ARHGAP44: variants seen among roughly 807,000 people sequenced by gnomAD.
ARHGAP44 encodes Rho GTPase activating protein 44.
A neutral mutation model predicts 106.8 loss-of-function variants in ARHGAP44; 43 were observed. The ratio of observed to expected loss-of-function variants is 0.40; its 90% CI spans 0.32 to 0.52. The LOEUF (loss-of-function observed/expected upper bound fraction) is 0.52. ARHGAP44 is among the 20% of genes least tolerant of loss of function. ARHGAP44 has a pLI of 0.48. For synonymous variants in ARHGAP44, 439 were observed against 410.3 expected, an observed-to-expected ratio of 1.07 and a Z score of -0.85; for missense variants, 866 against 1,050.5, an observed-to-expected ratio of 0.82 and a Z score of 2.43.
intron 1 of ARHGAP44, among the ~76,000 whole-genome samples, chr17:12,881,551 T>A (rs1301373543): frequency 6.6e-6 from 1 of 152,314 alleles, no homozygotes; most frequent in East Asian, 1.9e-4. Context: ...AACATTGATA[T>A]AATACTTTCT....
At chr17:12,821,414 C>G (rs2034767283) in intron 1 of ARHGAP44, among the ~76,000 whole-genome samples, 1 of 152,118 alleles carries the variant, frequency 6.6e-6, no homozygotes, top group African/African-American at 2.4e-5. Context: ...TGCCTTGGGC[C>G]TTGGAATTTG....
At chr17:12,981,383 C>T (rs1246214007) in intron 19 of ARHGAP44, among the ~76,000 whole-genome samples, 3 of 149,462 alleles carry the variant, frequency 2.0e-5, no homozygotes, top group Non-Finnish European at 4.4e-5. Context: ...GTCTAGATGC[C>T]ATATTCTTGG....
At chr17:12,915,776 T>C in intron 4 of ARHGAP44, 124 bp from the exon 5 acceptor site, 1 of 753,366 alleles carries the variant, frequency 1.3e-6, no homozygotes, top group South Asian at 1.8e-5. Context: ...GCCATGGAGA[T>C]CAGCCAGCTT....
intron 1 of ARHGAP44, among the ~76,000 whole-genome samples, chr17:12,803,550 T>G (rs2034184590): frequency 1.3e-5 from 2 of 152,208 alleles, no homozygotes; most frequent in South Asian, 4.1e-4. Context: ...CAGGCTGGAG[T>G]GCAGTGGCGT....
At chr17:12,969,324 C>T (rs1981622) in intron 16 of ARHGAP44, among the ~76,000 whole-genome samples, 12,383 of 152,134 alleles carry the variant, frequency 0.081, 609 homozygotes, top group Admixed American at 0.13. Flanking sequence ...AAGTCATATG[C>T]GCTTGGCACC....
At position 12,949,302 on chromosome 17, in the gene ARHGAP44, G is replaced by A. The variant is rs2038938105; in HGVS notation, c.973+51G>A. The A allele has an allele frequency of 6.6e-7, 1 of 1,517,098 alleles. No homozygotes were observed. Among genetic ancestry groups the A allele is most frequent in the Non-Finnish European group, 8.9e-7 (1 of 1,121,240 alleles). The allele number at this position is 1,517,098 out of a possible 1,614,324, so 94.0% of individuals were successfully genotyped here. ...TGCCATGGAGGCTCACAGGGAAGGG[G>A]TAGAGGGGAGGCTGTGTGGCTACAA... On this transcript the variant is annotated intron_variant, in intron 11 of 20. Transcript: ENST00000379672. The surrounding 1 kb of genome is among the most constrained non-coding windows in gnomAD (Gnocchi z 4.1).
At chr17:12,841,589 C>G (rs757458663) in intron 1 of ARHGAP44, among the ~76,000 whole-genome samples, 1 of 132,664 alleles carries the variant, frequency 7.5e-6, no homozygotes, top group Non-Finnish European at 1.6e-5. Context: ...CTCTCTGTCT[C>G]TCTCTCACAC....
chr17:12,944,120 C>A lies in ARHGAP44; in HGVS notation c.785C>A (p.Thr262Asn). The change falls in exon 10 of 21, where the codon ACC (threonine) becomes AAC (asparagine). Residue 262 changes from threonine (T) to asparagine (N), a missense_variant. Thr to Asn is a moderately conservative substitution (Grantham distance 65). Transcript: ENST00000379672. Reference protein sequence around the residue: ...SFGKPLEEHLTISGREIAFPI... With the variant: ...SFGKPLEEHLNISGREIAFPI... The stretch of plus-strand genomic sequence containing the variant: ...GGGAAGCCGCTGGAGGAGCACCTCA[C>A]CATCAGCGGCCGGGAGATCGCCTTC... 3 of 1,613,016 alleles carry A rather than the reference C, an allele frequency of 1.9e-6. No homozygotes were observed. Among genetic ancestry groups the A allele is most frequent in the Non-Finnish European group, 2.5e-6 (3 of 1,179,728 alleles).
In ARHGAP44 at chr17:12,980,246, T is replaced by G. The variant is rs1054505080; in HGVS notation, c.1939+13T>G. On this transcript the variant is annotated intron_variant, in intron 19 of 20. Transcript: ENST00000379672. ...ACCCTCCGGAAAGGTATGGCCCTGC[T>G]TCCCTTCTCCTTGGTCTCAGGCCGG... The G allele has an allele frequency of 6.3e-7, 1 of 1,597,310 alleles. No homozygotes were observed. Among genetic ancestry groups the G allele is most frequent in the African/African-American group, 1.3e-5 (1 of 74,398 alleles).
intron 1 of ARHGAP44, among the ~76,000 whole-genome samples, chr17:12,894,227 T>TGTGAGA (rs1184752512): frequency 6.8e-6 from 1 of 147,246 alleles, no homozygotes; most frequent in African/African-American, 2.6e-5. Flanking sequence ...TGTGTGTGTG[T>TGTGAGA]GAGAGAGAGA....
In ARHGAP44 at chr17:12,909,248, A is replaced by T. The variant is rs141985331; in HGVS notation, c.275+275A>T. 4.5e-3 allele frequency among the ~76,000 whole-genome samples: 691 copies of T among 152,290 alleles called. 10 individuals carry two copies. The highest frequency in any genetic ancestry group is 0.016 in the African/African-American group (663 of 41,558). On this transcript the variant is annotated intron_variant, in intron 4 of 20. Coordinates refer to ENST00000379672, the MANE Select transcript of ARHGAP44 (RefSeq NM_014859.6). ...GCAGAAGCAAATATGAAACCTGTCA[A>T]TTCAAATGTCAGAACTTACGAGATT...
intron 6 of ARHGAP44, among the ~76,000 whole-genome samples, chr17:12,920,146 C>G (rs569285186): frequency 6.6e-6 from 1 of 152,132 alleles, no homozygotes; most frequent in East Asian, 1.9e-4. Flanking sequence ...GAGGCCAAGG[C>G]GGGCGGATCA....
At position 12,896,483 on chromosome 17, in the gene ARHGAP44, A is replaced by T. The variant is rs779976295; in HGVS notation, c.170A>T (p.Gln57Leu). Residue 57 changes from glutamine to leucine, a missense_variant, in exon 3 of 21, where the codon CAG (glutamine) becomes CTG (leucine). Physicochemically the swap from Gln to Leu is moderately radical, Grantham distance 113. Around this residue, in one of 2 missense-constraint regions of ARHGAP44, gnomAD observed 448 missense variants for 646.9 expected, o/e 0.69. Transcript: ENST00000379672. ...AAGCTCACCGCATGTCTGCAGGGCC[A>T]GCAAGGGGCAGAGGCTGACAAGCGC... ...HKKLTACLQG[Q>L]QGAEADKRSK... The T allele has an allele frequency of 2.5e-6, 4 of 1,608,166 alleles. 1 individual carries two copies. The Middle Eastern group carries it at 5.0e-4, about 199-fold the overall frequency.
chr17:12,794,305 A>C (rs2033854192), intron 1 of ARHGAP44, among the ~76,000 whole-genome samples: 1 of 151,952 alleles, frequency 6.6e-6, no homozygotes, highest in Admixed American at 6.5e-5. Flanking sequence ...TTTTTTTTCC[A>C]GTCTGCACAG....
At chr17:12,818,316 G>A (rs1408424328) in intron 1 of ARHGAP44, among the ~76,000 whole-genome samples, 1 of 131,896 alleles carries the variant, frequency 7.6e-6, no homozygotes, top group African/African-American at 2.9e-5. Flanking sequence ...TTTTAAACTG[G>A]TAAGGTGCAT....
chr17:12,806,278 G>A lies in ARHGAP44; in HGVS notation c.53+16387G>A, dbSNP rs570419729. 3.0e-4 allele frequency among the ~76,000 whole-genome samples: 46 copies of A among 152,254 alleles called. No individual in the cohort carries two copies. In the South Asian group the frequency reaches 7.5e-3, roughly 25 times the overall value. On this transcript the variant is annotated intron_variant, in intron 1 of 20. Coordinates refer to ENST00000379672, the MANE Select transcript of ARHGAP44 (RefSeq NM_014859.6). ...AGTCCTAGAACTGAGACCTGAAGGG[G>A]AAAGCATGTTAGCAGGCTAAGGAAA... is the stretch of plus-strand genomic sequence containing the variant.
intron 18 of ARHGAP44, among the ~76,000 whole-genome samples, chr17:12,976,270 A>G (rs1392127542): frequency 1.3e-5 from 2 of 151,928 alleles, no homozygotes; most frequent in Non-Finnish European, 2.9e-5. Flanking sequence ...CCAACCCCCT[A>G]CATGAGAGGC....
intron 18 of ARHGAP44, among the ~76,000 whole-genome samples, chr17:12,976,953 C>T (rs2039699860): frequency 6.6e-6 from 1 of 152,022 alleles, no homozygotes; most frequent in African/African-American, 2.4e-5. Flanking sequence ...TCCTAGTTTC[C>T]CATCTTAGAA....
chr17:12,826,170 A>G (rs948147040), intron 1 of ARHGAP44, among the ~76,000 whole-genome samples: 1 of 152,170 alleles, frequency 6.6e-6, no homozygotes, highest in African/African-American at 2.4e-5. Flanking sequence ...AGATTATTTT[A>G]TCACTTAGCT....
Sources: allele counts gnomAD v4.1 joint callset (sites outside exome capture counted in the v4.1 genomes callset), GRCh38; gene constraint gnomAD v4.1.1; regional missense constraint gnomAD v4.1.1; non-coding constraint Gnocchi (gnomAD v3.1); transcripts MANE v1.5; gene names NCBI Gene and HGNC (gene_info 2026-07-23, HGNC 2026-07-21).